The following MED15 variants were observed in gnomAD, a reference collection of about 807,000 sequenced individuals.
MED15 encodes mediator of RNA polymerase II transcription subunit 15.
MED15 carries 41 observed loss-of-function variants against 118.7 expected under a neutral mutation model. The ratio of observed to expected loss-of-function variants is 0.35; its 90% CI spans 0.27 to 0.45. MED15 has a LOEUF of 0.45. Among genes scored for constraint, MED15 ranks in the 20% least tolerant of loss-of-function variants. The probability of loss-of-function intolerance (pLI) is 1.00; values close to 1 mark genes in which losing one functional copy is unlikely to be tolerated. For synonymous variants in MED15, 436 were observed against 413.9 expected (o/e 1.05, Z -0.65); for missense variants, 740 against 1,025.5 (o/e 0.72, Z 3.80).
At chr22:20,556,567 T>C (rs1025874384) in intron 5 of MED15, among the ~76,000 whole-genome samples, 11 of 152,212 alleles carry the variant, frequency 7.2e-5, no homozygotes, top group African/African-American at 2.7e-4. Context: ...CCCAAAGTGC[T>C]GGGATTACAG....
intron 2 of MED15, among the ~76,000 whole-genome samples, chr22:20,545,793 C>A (rs938302707): frequency 6.6e-6 from 1 of 152,058 alleles, no homozygotes; most frequent in Non-Finnish European, 1.5e-5. Context: ...TGGATACTAT[C>A]ATGGAACCAC....
intron 1 of MED15, among the ~76,000 whole-genome samples, chr22:20,536,592 A>C (rs1033170459): frequency 6.6e-6 from 1 of 152,222 alleles, no homozygotes; most frequent in African/African-American, 2.4e-5. Flanking sequence ...TTGATCCCAC[A>C]TATAGGACCT....
chr22:20,518,841 T>A (rs2054343077), intron 1 of MED15: 1 of 453,378 alleles, frequency 2.2e-6, no homozygotes, highest in Non-Finnish European at 4.4e-6. Flanking sequence ...TGATTTTCTT[T>A]TTGAGACATT....
rs1233589990 is a variant in MED15, at chr22:20,566,484, G to A, written c.708G>A (p.Gln236=). ...GTCTCTAGATACAGCAGCAGCAACA[G>A]CAGCTGCAGCGAATAGCACAGCTGC... The part of the protein sequence containing the change: ...QNQQQIQQQQ[Q]QLQRIAQLQL... The change falls in exon 7 of 18, where the codon CAG becomes CAA. Residue 236 remains glutamine, a synonymous_variant. Transcript: ENST00000263205. 5 of 1,610,670 alleles carry A rather than the reference G, an allele frequency of 3.1e-6. No homozygotes were observed. The highest frequency in any genetic ancestry group is 1.3e-5 in the African/African-American group (1 of 74,834).
At chr22:20,510,318 G>A (rs1048150645) in intron 1 of MED15, among the ~76,000 whole-genome samples, 1 of 152,074 alleles carries the variant, frequency 6.6e-6, no homozygotes, top group African/African-American at 2.4e-5. Context: ...CCCGGGAGGC[G>A]GAGGTTGCAG....
At chr22:20,550,840 C>T (rs1042868014) in intron 2 of MED15, 38 of 311,858 alleles carry the variant, frequency 1.2e-4, no homozygotes, top group Non-Finnish European at 2.3e-4. Flanking sequence ...GCCTTGGCAG[C>T]CAGTGGCCTT....
At position 20,562,401 on chromosome 22, in the gene MED15, T is replaced by C. The variant is rs537075173; in HGVS notation, c.452-2049T>C. 2.8e-5 allele frequency among the ~76,000 whole-genome samples: 4 copies of C among 145,106 alleles called. No individual in the cohort carries two copies. In the South Asian group the frequency reaches 9.2e-4, roughly 33 times the overall value. Reference sequence around the variant, plus strand: ...TGTCATACTTTTTGTTGTTGTTGTTTTGAGACAGAGTCTCACTCTGTCACC... The same window carrying C: ...TGTCATACTTTTTGTTGTTGTTGTTCTGAGACAGAGTCTCACTCTGTCACC... On this transcript the variant is annotated intron_variant, in intron 5 of 17. Coordinates refer to ENST00000263205, the MANE Select transcript of MED15 (RefSeq NM_001003891.3).
Position 20,564,567 on chromosome 22 carries a change from A to G in MED15, c.569A>G (p.Gln190Arg). 6.2e-7 allele frequency: 1 copy of G among 1,607,568 alleles called. No individual in the cohort carries two copies. The highest frequency in any genetic ancestry group is 8.5e-7 in the Non-Finnish European group (1 of 1,175,344). ...CAGCAGCAGCAACAGCAGCAGTTCC[A>G]GGCTCAGCAGAGTGCCATGCAGCAG... ...QQQQQQQQQF[Q>R]AQQSAMQQQF... Residue 190 changes from glutamine to arginine, a missense_variant, in exon 6 of 18, where the codon CAG (glutamine) becomes CGG (arginine). Transcript: ENST00000263205.
chr22:20,566,596 C>T lies in MED15; in HGVS notation c.820C>T (p.Pro274Ser), dbSNP rs562593649. The change falls in exon 7 of 18, where the codon CCG becomes TCG. Residue 274 changes from proline (P) to serine (S), a missense_variant. Physicochemically the swap from Pro to Ser is moderately conservative, Grantham distance 74. Around this residue, in one of 7 missense-constraint regions of MED15, gnomAD observed 384 missense variants for 506.3 expected, o/e 0.76. Coordinates refer to ENST00000263205, the MANE Select transcript of MED15 (RefSeq NM_001003891.3). ...LQAQPPIQQPPMQQPQPPPSQ... is the reference protein window; with the variant it reads ...LQAQPPIQQPSMQQPQPPPSQ... ...GGCCCAGCCACCAATTCAGCAGCCA[C>T]CGATGCAGCAGCCACAGCCTCCGCC... is the stretch of plus-strand genomic sequence containing the variant. The T allele has an allele frequency of 3.6e-5, 58 of 1,613,840 alleles. No homozygotes were observed. In the South Asian group the frequency reaches 5.5e-4, roughly 15 times the overall value.
Position 20,585,275 on chromosome 22 carries a change from T to C in MED15, c.2131+8T>C, listed in dbSNP as rs769340786. The C allele has an allele frequency of 2.5e-6, 4 of 1,611,858 alleles. No homozygotes were observed. Among genetic ancestry groups the C allele is most frequent in the Non-Finnish European group, 3.4e-6 (4 of 1,178,794 alleles). ...ACCTGATCTGCAAGCTGGGTGAGTGTCCAGAGGGCCGGGACTGGTGTGGGA... is the reference window on the plus strand; with the variant it reads ...ACCTGATCTGCAAGCTGGGTGAGTGCCCAGAGGGCCGGGACTGGTGTGGGA... On this transcript the variant is annotated splice_region_variant and intron_variant, in intron 16 of 17. Transcript: ENST00000263205.
chr22:20,545,515 G>C (rs1271766363), intron 2 of MED15, among the ~76,000 whole-genome samples: 1 of 147,910 alleles, frequency 6.8e-6, no homozygotes, highest in Non-Finnish European at 1.5e-5. Context: ...CTTTAAAATT[G>C]ATTTTGGTAA....
intron 5 of MED15, among the ~76,000 whole-genome samples, chr22:20,559,450 T>C (rs2056143656): frequency 6.6e-6 from 1 of 152,092 alleles, no homozygotes. Context: ...AAATTCTAAT[T>C]GGCATCCAAG....
rs374622833 is a variant in MED15 at position 20,582,581 on chromosome 22, A to G, written c.1273-30A>G. On this transcript the variant is annotated intron_variant, in intron 9 of 17. Transcript: ENST00000263205. ...GGAGGCAGGCGGGCGGGCGTGTGGC[A>G]GCGCGCCGGCTGAGCCCCTCCACTT... is the stretch of plus-strand genomic sequence containing the variant. 4 of 1,536,496 alleles carry G rather than the reference A, an allele frequency of 2.6e-6. No individual in the cohort carries two copies. The African/African-American group carries it at 5.5e-5, about 21-fold the overall frequency.
At position 20,552,185 on chromosome 22, in the gene MED15, C is replaced by T. The variant is rs113966201; in HGVS notation, c.208+698C>T. On this transcript the variant is annotated intron_variant, in intron 3 of 17. Coordinates refer to ENST00000263205, the MANE Select transcript of MED15 (RefSeq NM_001003891.3). ...GCAGCTGCTCTGTGTTTTCAGCCAA[C>T]AATGGCTCCTGCCCACTGCCGCTGC... Among the ~76,000 whole-genome samples the T allele has an allele frequency of 8.7e-3, 1,324 of 152,368 alleles. 12 individuals are homozygous for T. Among genetic ancestry groups the T allele is most frequent in the Non-Finnish European group, 0.014 (979 of 68,040 alleles).
At chr22:20,541,341 C>G (rs1223079669) in intron 2 of MED15, among the ~76,000 whole-genome samples, 1 of 152,152 alleles carries the variant, frequency 6.6e-6, no homozygotes, top group Non-Finnish European at 1.5e-5. Context: ...AAATGGCCAA[C>G]AACCATGTGA....
Position 20,586,950 on chromosome 22 carries a change from T to C in MED15, c.*246T>C. 1 of 575,950 alleles carries C rather than the reference T, an allele frequency of 1.7e-6. No homozygotes were observed. The highest frequency in any genetic ancestry group is 3.0e-6 in the Non-Finnish European group (1 of 328,090). 35.7% of individuals were successfully genotyped at this position (575,950 alleles called of 1,614,324 possible). A position where few individuals can be genotyped will look rare whatever the true frequency, so the allele number is the denominator to read the frequency against. On this transcript the variant is annotated 3_prime_UTR_variant, in exon 18 of 18. Coordinates refer to ENST00000263205, the MANE Select transcript of MED15 (RefSeq NM_001003891.3). ...AGAGAAGGCCCTCCATGTGACTTCC[T>C]CCCAGGAGCCAGATGCGATCCTCAG...
chr22:20,507,947 C>T, intron 1 of MED15: 1 of 1,440,386 alleles, frequency 6.9e-7, no homozygotes, highest in Non-Finnish European at 9.1e-7. Flanking sequence ...TTCCTGGGGC[C>T]GAGCTCTGCA....
Position 20,585,922 on chromosome 22 carries a change from G to C in MED15, c.2230+96G>C. ...ACTGCAGCAGGGACAGCCTCTGTGTGCTCCTGCCCCTCCCCAGCTCAGGCC... is the reference window on the plus strand; with the variant it reads ...ACTGCAGCAGGGACAGCCTCTGTGTCCTCCTGCCCCTCCCCAGCTCAGGCC... On this transcript the variant is annotated intron_variant, in intron 17 of 17. Transcript: ENST00000263205. 2.7e-6 allele frequency: 3 copies of C among 1,123,436 alleles called. No individual in the cohort carries two copies. In the Admixed American group the frequency reaches 5.9e-5, roughly 22 times the overall value. The allele number at this position is 1,123,436 out of a possible 1,614,324, so 69.6% of individuals were successfully genotyped here.
In MED15 at chr22:20,554,563, G is replaced by T. The variant is rs202218283; in HGVS notation, c.239-373G>T. On this transcript the variant is annotated intron_variant, in intron 4 of 17. Transcript: ENST00000263205. ...ACTGTGTTACCGCTTGCTCAGAAGG[G>T]CCCATCGTGCTTTGTACGCTCACCC... The T allele has an allele frequency of 5.7e-5, 10 of 175,922 alleles. No individual in the cohort carries two copies. The East Asian group carries it at 1.6e-3, about 27-fold the overall frequency. 10.9% of individuals were successfully genotyped at this position (175,922 alleles called of 1,614,324 possible).
Sources: gnomAD v4.1 joint callset for allele counts (sites outside exome capture counted in the v4.1 genomes callset) on GRCh38, gnomAD v4.1.1 for gene constraint, gnomAD v4.1.1 regional missense constraint, MANE v1.5 for transcripts, NCBI Gene and HGNC (gene_info 2026-07-23, HGNC 2026-07-21) for gene names.